Variants in KCND2 observed in about 807,000 individuals in gnomAD.
KCND2 encodes the protein potassium voltage-gated channel subfamily D member 2.
In KCND2, 16 loss-of-function variants were observed where a neutral mutation model predicts 54.4. That is an observed-to-expected ratio of 0.29 (90% CI 0.20 to 0.45). The LOEUF is 0.45. Among genes scored for constraint, KCND2 ranks in the 20% least tolerant of loss-of-function variants. KCND2 has a pLI of 1.00. For missense variants in KCND2, 486 were observed against 824.2 expected, an observed-to-expected ratio of 0.59 and a Z score of 5.02; for synonymous variants, 317 against 310.7, an observed-to-expected ratio of 1.02 and a Z score of -0.21.
At chr7:120,544,889 CTG>C (rs1792024863) in intron 1 of KCND2, among the ~76,000 whole-genome samples, 1 of 151,832 alleles carries the variant, frequency 6.6e-6, no homozygotes, top group Non-Finnish European at 1.5e-5. Context: ...GAGTCTAAGA[CTG>C]CTGAGAATTC....
intron 1 of KCND2, among the ~76,000 whole-genome samples, chr7:120,394,378 A>T (rs896733702): frequency 6.6e-6 from 1 of 151,914 alleles, no homozygotes; most frequent in Non-Finnish European, 1.5e-5. Context: ...GTGAGTCCTG[A>T]TGGGGTCAGC....
At chr7:120,743,949 G>A (rs561341366) in intron 4 of KCND2, among the ~76,000 whole-genome samples, 1 of 152,260 alleles carries the variant, frequency 6.6e-6, no homozygotes, top group Admixed American at 6.5e-5. Flanking sequence ...AAATTTGAAA[G>A]TTAAATGATA....
intron 1 of KCND2, among the ~76,000 whole-genome samples, chr7:120,621,456 A>G (rs1305177403): frequency 6.6e-6 from 1 of 152,044 alleles, no homozygotes; most frequent in Non-Finnish European, 1.5e-5. Context: ...TCCCTGTAGC[A>G]TTTAACCCAA....
intron 1 of KCND2, among the ~76,000 whole-genome samples, chr7:120,545,811 C>T (rs895593668): frequency 2.0e-5 from 3 of 151,320 alleles, no homozygotes; most frequent in African/African-American, 7.3e-5. Context: ...AGAGAAAATG[C>T]CATTCTGAAA....
In KCND2 at chr7:120,672,230, G is replaced by GA. The variant is rs138930713; in HGVS notation, c.1116-60664dup. Among the ~76,000 whole-genome samples, 23 of 149,922 alleles carry GA rather than the reference G, an allele frequency of 1.5e-4. 1 individual carries two copies. The highest frequency in any genetic ancestry group is 2.6e-4 in the Admixed American group (4 of 15,128). On this transcript the variant is annotated intron_variant, in intron 1 of 5. Coordinates refer to ENST00000331113, the MANE Select transcript of KCND2 (RefSeq NM_012281.3). Reference sequence around the variant, plus strand: ...TTACTCCTTCCTTTTCTTCCTGACAGAAAAAAAAATCATAAAGGAAAAGTT... The same window carrying GA: ...TTACTCCTTCCTTTTCTTCCTGACAGAAAAAAAAAATCATAAAGGAAAAGTT...
intron 1 of KCND2, among the ~76,000 whole-genome samples, chr7:120,724,180 G>C (rs902621381): frequency 6.6e-6 from 1 of 152,122 alleles, no homozygotes; most frequent in Non-Finnish European, 1.5e-5. Flanking sequence ...CTAGACCTGG[G>C]TTTATAACAA....
Position 120,587,962 on chromosome 7 carries a change from C to T in KCND2, c.1116-144941C>T, listed in dbSNP as rs555561368. ...AGAATCCTGGGGTCTTTTGCTTATA[C>T]AGTATGTTATAAATATGTTTATATT... On this transcript the variant is annotated intron_variant, in intron 1 of 5. Transcript: ENST00000331113. 2.0e-5 allele frequency among the ~76,000 whole-genome samples: 3 copies of T among 152,234 alleles called. No individual in the cohort carries two copies. In the South Asian group the frequency reaches 6.2e-4, roughly 32 times the overall value.
intron 1 of KCND2, among the ~76,000 whole-genome samples, chr7:120,415,338 A>G (rs1801510040): frequency 6.6e-6 from 1 of 152,202 alleles, no homozygotes; most frequent in Non-Finnish European, 1.5e-5. Flanking sequence ...TATGGGAGAC[A>G]AATAAAGTTA....
intron 1 of KCND2, among the ~76,000 whole-genome samples, chr7:120,571,706 T>C (rs1343927689): frequency 6.6e-6 from 1 of 152,198 alleles, no homozygotes; most frequent in Non-Finnish European, 1.5e-5. Flanking sequence ...TTCCACAATA[T>C]ACATTACCTA....
chr7:120,406,609 T>G (rs1187941706), intron 1 of KCND2, among the ~76,000 whole-genome samples: 2 of 151,996 alleles, frequency 1.3e-5, no homozygotes, highest in Non-Finnish European at 2.9e-5. Context: ...AAATTAATGG[T>G]GTAGGCAATA....
intron 1 of KCND2, among the ~76,000 whole-genome samples, chr7:120,349,721 C>A (rs981929903): frequency 2.0e-5 from 3 of 152,126 alleles, no homozygotes; most frequent in South Asian, 4.1e-4. Context: ...GTCCAGATAT[C>A]TTTTATGTGT....
intron 1 of KCND2, among the ~76,000 whole-genome samples, chr7:120,315,765 AGTGTGTGTGTGTGTGTGTGTGTGT>A (rs59537613): frequency 7.6e-4 from 104 of 137,602 alleles, no homozygotes; most frequent in African/African-American, 2.6e-3. Flanking sequence ...TTCCATAAGC[AGTGTGTGTGTGTGTGTGTGTGTGT>A]GTGTGTGTGT....
At chr7:120,724,908 T>G (rs905317632) in intron 1 of KCND2, among the ~76,000 whole-genome samples, 4 of 152,206 alleles carry the variant, frequency 2.6e-5, no homozygotes, top group Non-Finnish European at 5.9e-5. Flanking sequence ...AAAGGCATAT[T>G]TTGAACATAA....
intron 1 of KCND2, among the ~76,000 whole-genome samples, chr7:120,585,907 T>C (rs944499579): frequency 3.3e-5 from 5 of 152,206 alleles, no homozygotes; most frequent in South Asian, 2.1e-4. Flanking sequence ...TCCACATTAA[T>C]GAGAAAATTC....
intron 1 of KCND2, among the ~76,000 whole-genome samples, chr7:120,436,195 C>T (rs1801863458): frequency 6.6e-6 from 1 of 152,076 alleles, no homozygotes; most frequent in African/African-American, 2.4e-5. Flanking sequence ...GGCCATCATT[C>T]TTGTTGCCAA....
chr7:120,402,801 A>G (rs892901607), intron 1 of KCND2, among the ~76,000 whole-genome samples: 3 of 152,206 alleles, frequency 2.0e-5, no homozygotes, highest in Non-Finnish European at 4.4e-5. Context: ...CATATTTTGA[A>G]TAGATGATTA....
chr7:120,582,952 G>GTA (rs1330078609), intron 1 of KCND2, among the ~76,000 whole-genome samples: 1 of 82,704 alleles, frequency 1.2e-5, no homozygotes, highest in Admixed American at 1.4e-4. Context: ...CTGTGTGTGT[G>GTA]TATGTGTGTG....
intron 1 of KCND2, among the ~76,000 whole-genome samples, chr7:120,593,472 C>T (rs1032193060): frequency 2.0e-5 from 3 of 151,992 alleles, no homozygotes; most frequent in African/African-American, 7.3e-5. Flanking sequence ...ACTTCCTGTC[C>T]CTTCCCACTG....
intron 1 of KCND2, among the ~76,000 whole-genome samples, chr7:120,349,385 A>G: frequency 6.6e-6 from 1 of 151,966 alleles, no homozygotes; most frequent in Admixed American, 6.6e-5. Flanking sequence ...GAATGTGAGC[A>G]TTTTAACAAT....
Sources: gnomAD v4.1 joint callset for allele counts (sites outside exome capture counted in the v4.1 genomes callset) on GRCh38, gnomAD v4.1.1 for gene constraint, MANE v1.5 for transcripts, NCBI Gene and HGNC (gene_info 2026-07-23, HGNC 2026-07-21) for gene names.